RBPJ: variants seen among roughly 807,000 people sequenced by gnomAD.
RBPJ encodes recombining binding protein suppressor of hairless.
In RBPJ, 9 loss-of-function variants were observed where a neutral mutation model predicts 67.8. The observed-to-expected ratio is 0.13, with a 90% CI of 0.08 to 0.23. The LOEUF is 0.23. Among genes scored for constraint, RBPJ ranks in the 10% least tolerant of loss-of-function variants. The pLI is 1.00. For synonymous variants in RBPJ, 198 were observed against 203.3 expected, an observed-to-expected ratio of 0.97 and a Z score of 0.22; for missense variants, 305 against 595.6, an observed-to-expected ratio of 0.51 and a Z score of 5.08.
chr4:26,320,914 G>A (rs1006766592), upstream of RBPJ: 2 of 1,601,056 alleles, frequency 1.2e-6, no homozygotes, highest in African/African-American at 2.7e-5. Flanking sequence ...AGGGAGCGCG[G>A]GGGCTGGGTG....
intron 1 of RBPJ, among the ~76,000 whole-genome samples, chr4:26,279,831 A>G (rs1721206002): frequency 7.5e-6 from 1 of 133,936 alleles, no homozygotes; most frequent in African/African-American, 2.8e-5. Context: ...TTTGTCGCCC[A>G]GGCTGGAGTG....
chr4:26,398,071 T>A (rs1456720426), intron 2 of RBPJ, among the ~76,000 whole-genome samples: 1 of 35,572 alleles, frequency 2.8e-5, no homozygotes, highest in African/African-American at 6.1e-5. Flanking sequence ...CGAGTGATAT[T>A]GTGTGTGTGT....
chr4:26,186,603 G>A (rs1717271866), intron 1 of RBPJ, among the ~76,000 whole-genome samples: 2 of 152,124 alleles, frequency 1.3e-5, no homozygotes, highest in African/African-American at 2.4e-5. Flanking sequence ...AAGCAGTGAG[G>A]TGCTGAGATG....
chr4:26,337,469 C>T lies in RBPJ; in HGVS notation c.20+16421C>T, dbSNP rs562016424. The stretch of plus-strand genomic sequence containing the variant: ...GTTAAACAGTATCTCTTCTGTAGCT[C>T]TGGCTATCCACAGGTGTGGCTCCCC... On this transcript the variant is annotated intron_variant, in intron 1 of 10. Transcript: ENST00000355476. Among the ~76,000 whole-genome samples, 8 of 151,586 alleles carry T rather than the reference C, an allele frequency of 5.3e-5. No individual in the cohort carries two copies. In the East Asian group the frequency reaches 1.4e-3, roughly 26 times the overall value.
intron 1 of RBPJ, chr4:26,362,286 C>G: frequency 3.3e-6 from 1 of 307,602 alleles, no homozygotes; most frequent in Non-Finnish European, 5.9e-6. Flanking sequence ...GACTGTCACT[C>G]TATTCCTCAT....
chr4:26,322,941 C>G (rs1222251197), intron 1 of RBPJ: 1 of 151,178 alleles, frequency 6.6e-6, no homozygotes, highest in African/African-American at 2.4e-5. Context: ...TTGATCTCTA[C>G]TTTTAGAAGG....
At chr4:26,392,679 G>A (rs1473749009) in intron 2 of RBPJ, among the ~76,000 whole-genome samples, 2 of 152,154 alleles carry the variant, frequency 1.3e-5, no homozygotes, top group African/African-American at 4.8e-5. Context: ...CAGGAGGAAA[G>A]ATTACAAAAA....
chr4:26,311,748 A>G (rs1482999242), intron 1 of RBPJ, among the ~76,000 whole-genome samples: 1 of 152,174 alleles, frequency 6.6e-6, no homozygotes, highest in East Asian at 1.9e-4. Context: ...TCCCAGAGAA[A>G]GGTTATACTC....
chr4:26,331,193 C>G (rs544944209), intron 1 of RBPJ, among the ~76,000 whole-genome samples: 1 of 152,208 alleles, frequency 6.6e-6, no homozygotes, highest in Admixed American at 6.5e-5. Context: ...CTCAATCTCC[C>G]GAGCTCGTAA....
chr4:26,266,917 T>C (rs1720720976), intron 1 of RBPJ, among the ~76,000 whole-genome samples: 1 of 152,202 alleles, frequency 6.6e-6, no homozygotes, highest in East Asian at 1.9e-4. Context: ...TTTCCAAATT[T>C]ACTTCCATAA....
intron 2 of RBPJ, among the ~76,000 whole-genome samples, chr4:26,389,600 C>T (rs1429993695): frequency 6.7e-6 from 1 of 148,784 alleles, no homozygotes; most frequent in Non-Finnish European, 1.5e-5. Flanking sequence ...TACAAATTAC[C>T]AATATCAAGA....
chr4:26,109,448 CTCTCTCTCTCTCTA>C, the RBPJ span, among the ~76,000 whole-genome samples: 6 of 26,322 alleles, frequency 2.3e-4, no homozygotes, highest in Non-Finnish European at 2.8e-4. Flanking sequence ...CTCTCTCTCT[CTCTCTCTCTCTCTA>C]TATATATATA....
chr4:26,258,222 T>G (rs918049026), intron 1 of RBPJ, among the ~76,000 whole-genome samples: 1 of 152,254 alleles, frequency 6.6e-6, no homozygotes, highest in East Asian at 1.9e-4. Flanking sequence ...TTGGCATCTC[T>G]GCTTATTTCC....
chr4:26,267,108 C>T (rs1314965605), intron 1 of RBPJ, among the ~76,000 whole-genome samples: 2 of 152,110 alleles, frequency 1.3e-5, no homozygotes, highest in African/African-American at 2.4e-5. Context: ...CACAGAAGCC[C>T]AGTATTGACT....
intron 1 of RBPJ, among the ~76,000 whole-genome samples, chr4:26,201,375 C>T (rs1717975840): frequency 6.6e-6 from 1 of 152,170 alleles, no homozygotes; most frequent in African/African-American, 2.4e-5. Context: ...CTCTGTGGTA[C>T]TCAAGCATAA....
At chr4:26,315,509 C>T (rs575088791), upstream of RBPJ, among the ~76,000 whole-genome samples, 3 of 152,134 alleles carry the variant, frequency 2.0e-5, no homozygotes, top group South Asian at 6.2e-4. Flanking sequence ...TCTGAGGAAA[C>T]AGGGCAAGGA....
chr4:26,319,315 C>T (rs111596576), upstream of RBPJ, among the ~76,000 whole-genome samples: 229 of 152,340 alleles, frequency 1.5e-3, 1 homozygote, highest in African/African-American at 5.4e-3. Flanking sequence ...TCCCCTTCCT[C>T]CGTTCGAGGC....
intron 1 of RBPJ, among the ~76,000 whole-genome samples, chr4:26,382,816 C>T (rs1730460097): frequency 1.3e-5 from 2 of 152,236 alleles, no homozygotes; most frequent in South Asian, 2.1e-4. Flanking sequence ...GTTGAGATTA[C>T]AGGCGTGAGC....
intron 1 of RBPJ, chr4:26,362,545 TG>T: frequency 6.2e-7 from 1 of 1,607,532 alleles, no homozygotes; most frequent in Non-Finnish European, 8.5e-7. Flanking sequence ...ATACACTGGC[TG>T]AGGTGTTTTG....
Sources: gnomAD v4.1 joint callset for allele counts (sites outside exome capture counted in the v4.1 genomes callset) on GRCh38, gnomAD v4.1.1 for gene constraint, MANE v1.5 for transcripts, NCBI Gene and HGNC (gene_info 2026-07-23, HGNC 2026-07-21) for gene names.